ZFPM1: variants seen among roughly 807,000 people sequenced by gnomAD.
The protein encoded by ZFPM1 is zinc finger protein ZFPM1.
In ZFPM1, 28 loss-of-function variants were observed where a neutral mutation model predicts 46.3. That is an observed-to-expected ratio of 0.60 (90% confidence interval 0.45 to 0.83). The LOEUF is 0.83. Among genes scored for constraint, ZFPM1 ranks in the 40% least tolerant of loss-of-function variants. The probability of loss-of-function intolerance (pLI) is 0.00; values close to 1 mark genes in which losing one functional copy is unlikely to be tolerated. For synonymous variants in ZFPM1, 957 were observed against 675.9 expected (o/e 1.42, Z -6.45); for missense variants, 1,878 against 1,432.4 (o/e 1.31, Z -5.02).
intron 1 of ZFPM1, among the ~76,000 whole-genome samples, chr16:88,461,166 TGGTGAG>T (rs1907852875): frequency 1.4e-5 from 1 of 72,502 alleles, no homozygotes; most frequent in Non-Finnish European, 2.4e-5. Flanking sequence ...GCGGGAGACC[TGGTGAG>T]GACCGAGGGG....
chr16:88,469,339 G>A lies in ZFPM1; in HGVS notation c.40+15661G>A, dbSNP rs752388423. Among the ~76,000 whole-genome samples, 12 of 152,184 alleles carry A rather than the reference G, an allele frequency of 7.9e-5. No individual in the cohort carries two copies. Among genetic ancestry groups the A allele is most frequent in the East Asian group, 1.9e-4 (1 of 5,202 alleles). ...CTCCCCATCTGTAAAACCGGAAGGCGGTCTAGTAGGTCTGCCTCCCAGGAT... is the reference window on the plus strand; with the variant it reads ...CTCCCCATCTGTAAAACCGGAAGGCAGTCTAGTAGGTCTGCCTCCCAGGAT... On this transcript the variant is annotated intron_variant, in intron 1 of 9. Transcript: ENST00000319555. This position sits in a 1 kb window ranked among gnomAD's most constrained non-coding sequence, Gnocchi z 4.3.
At chr16:88,495,981 G>A (rs1372983876) in intron 3 of ZFPM1, among the ~76,000 whole-genome samples, 6 of 152,276 alleles carry the variant, frequency 3.9e-5, no homozygotes, top group East Asian at 3.9e-4. Flanking sequence ...CACAGGCTCC[G>A]GGGCAGGCTC....
In ZFPM1 at chr16:88,500,974, T is replaced by G. The variant is rs558040362; in HGVS notation, c.268+11821T>G. 2.6e-5 allele frequency among the ~76,000 whole-genome samples: 4 copies of G among 152,208 alleles called. No individual in the cohort carries two copies. In the East Asian group the frequency reaches 7.7e-4, roughly 29 times the overall value. On this transcript the variant is annotated intron_variant, in intron 3 of 9. Coordinates refer to ENST00000319555, the MANE Select transcript of ZFPM1 (RefSeq NM_153813.3). ...CCTTGGCTGGGGATATGTCAGGGTC[T>G]CTAAGGCTGGCCCCTCCCCACACTG...
chr16:88,498,521 C>T (rs1910069241), intron 3 of ZFPM1, among the ~76,000 whole-genome samples: 1 of 152,240 alleles, frequency 6.6e-6, no homozygotes, highest in Non-Finnish European at 1.5e-5. Context: ...ATAGCCCAGG[C>T]CCTCCGGGAT....
intron 1 of ZFPM1, among the ~76,000 whole-genome samples, chr16:88,478,188 C>T (rs902852207): frequency 1.3e-5 from 2 of 152,180 alleles, no homozygotes; most frequent in African/African-American, 2.4e-5. Flanking sequence ...GTGGTGGGCT[C>T]AGGCCACGTC....
Position 88,480,962 on chromosome 16 carries a change from G to A in ZFPM1, c.41-4977G>A, listed in dbSNP as rs187263288. 1.1e-4 allele frequency among the ~76,000 whole-genome samples: 16 copies of A among 152,320 alleles called. No homozygotes were observed. In the South Asian group the frequency reaches 1.2e-3, roughly 12 times the overall value. ...CTTGGAAGGGAGCTGGGATCATCCC[G>A]CTGCACAGAGCCAGCTCCATAATTC... On this transcript the variant is annotated intron_variant, in intron 1 of 9. Transcript: ENST00000319555. The surrounding 1 kb of genome is among the most constrained non-coding windows in gnomAD (Gnocchi z 4.9).
intron 6 of ZFPM1, 91 bp from the exon 7 acceptor site, chr16:88,531,911 C>A: frequency 7.8e-7 from 1 of 1,277,590 alleles, no homozygotes; most frequent in Non-Finnish European, 1.1e-6. Context: ...ACGGTGGGGT[C>A]CGTCACGGCC....
chr16:88,515,857 CT>C (rs1911265404), intron 4 of ZFPM1, among the ~76,000 whole-genome samples: 2 of 152,198 alleles, frequency 1.3e-5, no homozygotes, highest in Non-Finnish European at 2.9e-5. Context: ...GCAGTTGATC[CT>C]TCTGGGGTGC....
chr16:88,503,520 C>T (rs1358649627), intron 3 of ZFPM1, among the ~76,000 whole-genome samples: 1 of 150,018 alleles, frequency 6.7e-6, no homozygotes, highest in East Asian at 2.0e-4. Flanking sequence ...GTTCTGCCTC[C>T]AGGGCTCCTC....
intron 1 of ZFPM1, among the ~76,000 whole-genome samples, chr16:88,459,035 G>A (rs1480780660): frequency 2.0e-5 from 3 of 152,240 alleles, no homozygotes; most frequent in East Asian, 3.8e-4. Context: ...GAGAGCCGGC[G>A]CCCGTCAGGG....
chr16:88,534,035 AG>A lies in ZFPM1; in HGVS notation c.2078del (p.Ser693ThrfsTer105). The A allele has an allele frequency of 7.5e-7, 1 of 1,326,284 alleles. No individual in the cohort carries two copies. The highest frequency in any genetic ancestry group is 1.2e-5 in the South Asian group (1 of 80,742). The allele number at this position is 1,326,284 out of a possible 1,614,324, so 82.2% of individuals were successfully genotyped here. On this transcript the variant is annotated frameshift_variant, in exon 10 of 10. Coordinates refer to ENST00000319555, the MANE Select transcript of ZFPM1 (RefSeq NM_153813.3). LOFTEE classifies it low-confidence loss of function (END_TRUNC). ...GTGCGAGGCCTGCAACATCCGCTTC[AG>A]CCGCCACGAGACCTACACCGTGCAC... ...TLCEACNIRF[S>X]RHETYTVHKR...
intron 3 of ZFPM1, among the ~76,000 whole-genome samples, chr16:88,509,794 A>G (rs995981774): frequency 2.0e-5 from 3 of 152,182 alleles, no homozygotes; most frequent in Admixed American, 6.5e-5. Flanking sequence ...CCTCCCTGCT[A>G]TGTGACCCCC....
chr16:88,456,087 G>T (rs1411719495), intron 1 of ZFPM1, among the ~76,000 whole-genome samples: 1 of 152,252 alleles, frequency 6.6e-6, no homozygotes, highest in Non-Finnish European at 1.5e-5. Context: ...GGTTGGGGCC[G>T]GGGAGCCGGC....
chr16:88,528,015 C>A lies in ZFPM1; in HGVS notation c.506-17C>A. The A allele has an allele frequency of 6.6e-7, 1 of 1,525,126 alleles. No individual in the cohort carries two copies. Among genetic ancestry groups the A allele is most frequent in the Non-Finnish European group, 8.9e-7 (1 of 1,129,546 alleles). The allele number at this position is 1,525,126 out of a possible 1,614,324, so 94.5% of individuals were successfully genotyped here. On this transcript the variant is annotated splice_polypyrimidine_tract_variant and intron_variant, in intron 5 of 9. Coordinates refer to ENST00000319555, the MANE Select transcript of ZFPM1 (RefSeq NM_153813.3). ...TGGGGCACAAAGTCCTAGGTTTGGA[C>A]ACCTGTCTCCCTCCAGATGACGCAC... is the stretch of plus-strand genomic sequence containing the variant.
At chr16:88,532,286 CCCAGTCCCGCAGGCCG>C (rs1567556390) in intron 7 of ZFPM1, 51 bp downstream of exon 7, 2 of 1,507,228 alleles carry the variant, frequency 1.3e-6, no homozygotes, top group African/African-American at 1.4e-5. Flanking sequence ...TGCTTCCCCA[CCCAGTCCCGCAGGCCG>C]CCCGGGAAAA....
intron 3 of ZFPM1, among the ~76,000 whole-genome samples, chr16:88,490,284 C>T (rs371269850): frequency 3.3e-5 from 5 of 152,168 alleles, no homozygotes; most frequent in Non-Finnish European, 4.4e-5. Context: ...GATCTCCTGA[C>T]CTCGTGATCC....
intron 3 of ZFPM1, among the ~76,000 whole-genome samples, chr16:88,506,750 C>G (rs539033522): frequency 6.6e-6 from 1 of 150,888 alleles, no homozygotes; most frequent in Non-Finnish European, 1.5e-5. Flanking sequence ...GACCTGGACC[C>G]TCTGAGGGGC....
chr16:88,514,619 G>A, intron 4 of ZFPM1, 99 bp downstream of exon 4: 6 of 1,396,630 alleles, frequency 4.3e-6, no homozygotes, highest in Non-Finnish European at 4.7e-6. Context: ...CCGGGGCTCT[G>A]GCCACTTGAA....
Position 88,523,824 on chromosome 16 carries a change from G to A in ZFPM1, c.403-2990G>A, listed in dbSNP as rs560871586. Among the ~76,000 whole-genome samples the A allele has an allele frequency of 1.9e-3, 297 of 152,314 alleles. 1 individual carries two copies. The highest frequency in any genetic ancestry group is 6.9e-3 in the African/African-American group (286 of 41,576). On this transcript the variant is annotated intron_variant, in intron 4 of 9. Transcript: ENST00000319555. ...GGTCGGGGGCGGGTGCCGGATGGGA[G>A]CCTCACCCTCCTTCCCCCTGCCCCT...
Sources: allele counts gnomAD v4.1 joint callset (sites outside exome capture counted in the v4.1 genomes callset), GRCh38; gene constraint gnomAD v4.1.1; non-coding constraint Gnocchi (gnomAD v3.1); transcripts MANE v1.5; gene names NCBI Gene and HGNC (gene_info 2026-07-23, HGNC 2026-07-21).